The following ZNF540 variants were observed in gnomAD, a reference collection of about 807,000 sequenced individuals.
ZNF540 encodes zinc finger protein 540, also known as CTD-3064H18.6.
ZNF540 carries 3 observed loss-of-function variants against 11.8 expected under a neutral mutation model. The ratio of observed to expected loss-of-function variants is 0.25; its 90% CI spans 0.12 to 0.65. The LOEUF (loss-of-function observed/expected upper bound fraction) is 0.65. Ranked by LOEUF, ZNF540 falls within the 30% of genes least tolerant of loss-of-function variation. ZNF540 has a pLI of 0.83. For missense variants in ZNF540, 709 were observed against 793.1 expected (o/e 0.89, Z 1.27); for synonymous variants, 247 against 259.0 (o/e 0.95, Z 0.45).
At chr19:37,608,381 ATTCT>A (rs1183891644) in intron 4 of ZNF540, among the ~76,000 whole-genome samples, 15 of 151,880 alleles carry the variant, frequency 9.9e-5, no homozygotes, top group Non-Finnish European at 1.8e-4. Flanking sequence ...TTTCTTTTTG[ATTCT>A]TTCTTAGAAT....
At chr19:37,583,022 A>G (rs2043528467) in intron 1 of ZNF540, among the ~76,000 whole-genome samples, 1 of 152,136 alleles carries the variant, frequency 6.6e-6, no homozygotes, top group African/African-American at 2.4e-5. Context: ...ACCTCTGCCT[A>G]TTTCTCTAAC....
In ZNF540 at chr19:37,612,613, G is replaced by A. The variant is rs777388477; in HGVS notation, c.1333G>A (p.Gly445Arg). 27 of 1,613,994 alleles carry A rather than the reference G, an allele frequency of 1.7e-5. 1 individual carries two copies. The highest frequency in any genetic ancestry group is 5.0e-5 in the Admixed American group (3 of 60,010). Residue 445 changes from glycine (G) to arginine (R), a missense_variant, in exon 5 of 5, where the codon GGG (glycine) becomes AGG (arginine). Coordinates refer to ENST00000316433, the MANE Select transcript of ZNF540 (RefSeq NM_001172225.3). ...GEKPYECKEC[G>R]KAFMLRSVLT... is the part of the protein sequence containing the mutation. ...GAAACCATATGAATGTAAGGAATGC[G>A]GGAAAGCCTTTATGCTTCGTTCAGT...
intron 1 of ZNF540, among the ~76,000 whole-genome samples, chr19:37,571,341 C>T (rs2043044342): frequency 6.6e-6 from 1 of 151,836 alleles, no homozygotes; most frequent in African/African-American, 2.4e-5. Context: ...ACTAAAAATA[C>T]AAAAATTAGA....
intron 1 of ZNF540, 50 bp from the exon 2 acceptor site, chr19:37,598,326 T>G (rs2044011892): frequency 2.2e-6 from 2 of 929,358 alleles, no homozygotes; most frequent in Non-Finnish European, 3.4e-6. Context: ...TATTGTTACC[T>G]CTGAGGCAGA....
At position 37,570,497 on chromosome 19, in the gene ZNF540, A is replaced by G. The variant is rs2043015221; in HGVS notation, c.-73+18832A>G. ...TCAGATATACAAAAAAATATACTCA[A>G]TGTTAATTTTTCTACAAATATTCCT... On this transcript the variant is annotated intron_variant, in intron 1 of 4. Coordinates refer to the ZNF540 transcript ENST00000592533. 2.0e-5 allele frequency among the ~76,000 whole-genome samples: 3 copies of G among 152,220 alleles called. No homozygotes were observed. The South Asian group carries it at 6.2e-4, about 31-fold the overall frequency.
intron 3 of ZNF540, among the ~76,000 whole-genome samples, chr19:37,600,051 T>C (rs1317655219): frequency 6.6e-6 from 1 of 152,216 alleles, no homozygotes; most frequent in Non-Finnish European, 1.5e-5. Context: ...GTCAATGAAA[T>C]CAGGTTTCAC....
At chr19:37,571,374 T>C (rs2043045791) in intron 1 of ZNF540, among the ~76,000 whole-genome samples, 1 of 152,002 alleles carries the variant, frequency 6.6e-6, no homozygotes, top group African/African-American at 2.4e-5. Context: ...CAGGCACCTG[T>C]AATCCCAGCT....
chr19:37,572,385 T>TGATGA (rs1370649441), intron 1 of ZNF540, among the ~76,000 whole-genome samples: 1 of 152,226 alleles, frequency 6.6e-6, no homozygotes, highest in African/African-American at 2.4e-5. Flanking sequence ...CTGAATAGTA[T>TGATGA]GATGAAATCT....
In ZNF540 at chr19:37,613,585, G is replaced by A. The variant is rs1407513645; in HGVS notation, c.*322G>A. ...TGTAAAATGAAACACACCTAAAAGT[G>A]TGGTTGTTTCCAACATGTATAATAC... On this transcript the variant is annotated 3_prime_UTR_variant, in exon 5 of 5. Transcript: ENST00000316433. 1.3e-5 allele frequency: 5 copies of A among 397,242 alleles called. No homozygotes were observed. The highest frequency in any genetic ancestry group is 2.2e-5 in the Non-Finnish European group (5 of 225,116). 24.6% of individuals were successfully genotyped at this position (397,242 alleles called of 1,614,324 possible).
At chr19:37,565,372 T>G in intron 1 of ZNF540, 1 of 1,613,838 alleles carries the variant, frequency 6.2e-7, no homozygotes, top group Non-Finnish European at 8.5e-7. Context: ...TTCTCTGATG[T>G]TCATTCAGTT....
chr19:37,564,670 A>T (rs1252387837), intron 1 of ZNF540: 1 of 1,613,192 alleles, frequency 6.2e-7, no homozygotes, highest in Non-Finnish European at 8.5e-7. Context: ...GGACACATGT[A>T]TAGGGTTTCT....
chr19:37,563,707 A>G (rs1480032372), intron 1 of ZNF540: 1 of 144,608 alleles, frequency 6.9e-6, no homozygotes, highest in Non-Finnish European at 1.5e-5. Flanking sequence ...TATGTGGAAT[A>G]TATACATGTG....
chr19:37,575,002 A>C (rs954594713), intron 1 of ZNF540, among the ~76,000 whole-genome samples: 2 of 152,146 alleles, frequency 1.3e-5, no homozygotes, highest in African/African-American at 2.4e-5. Context: ...ATCAAAAATC[A>C]CCTCCACTTC....
In ZNF540 at chr19:37,565,183, T is replaced by A. The variant is rs757900334; in HGVS notation, c.-73+13518T>A. 5 of 1,611,040 alleles carry A rather than the reference T, an allele frequency of 3.1e-6. No individual in the cohort carries two copies. In the African/African-American group the frequency reaches 5.4e-5, roughly 17 times the overall value. The stretch of plus-strand genomic sequence containing the variant: ...ATTCCTTACATTTGTAGGGCTTCTC[T>A]CCGGTATGAATTCTTTGATGTTGAA... On this transcript the variant is annotated intron_variant, in intron 1 of 4. Coordinates refer to the ZNF540 transcript ENST00000592533.
At chr19:37,557,383 T>C (rs957801026) in intron 1 of ZNF540, among the ~76,000 whole-genome samples, 3 of 152,232 alleles carry the variant, frequency 2.0e-5, no homozygotes, top group East Asian at 1.9e-4. Context: ...GATGGCTCCA[T>C]GTACATGCAC....
At chr19:37,564,368 A>G (rs2042773204) in intron 1 of ZNF540, 2 of 367,104 alleles carry the variant, frequency 5.4e-6, no homozygotes, top group African/African-American at 4.2e-5. Flanking sequence ...CAGTTAGGAT[A>G]TGGTGAAATG....
chr19:37,584,688 C>T (rs191666314), intron 1 of ZNF540, among the ~76,000 whole-genome samples: 4 of 152,034 alleles, frequency 2.6e-5, no homozygotes, highest in East Asian at 1.9e-4. Context: ...CTCGGCCGGG[C>T]GCGGTGGCTC....
chr19:37,566,964 A>ACTTACCACTCCCCTAATTATTCATTT (rs1373219329), intron 1 of ZNF540, among the ~76,000 whole-genome samples: 1 of 152,084 alleles, frequency 6.6e-6, no homozygotes, highest in Non-Finnish European at 1.5e-5. Context: ...TGATATCATC[A>ACTTACCACTCCCCTAATTATTCATTT]CTTACCACTC....
At chr19:37,556,038 T>TC in intron 1 of ZNF540, 1 of 702,648 alleles carries the variant, frequency 1.4e-6, no homozygotes, top group South Asian at 1.5e-5. Context: ...GAGTCCTTTT[T>TC]CTGCACCTTT....
Sources: allele counts gnomAD v4.1 joint callset (sites outside exome capture counted in the v4.1 genomes callset), GRCh38; gene constraint gnomAD v4.1.1; transcripts MANE v1.5; gene names NCBI Gene and HGNC (gene_info 2026-07-23, HGNC 2026-07-21).